UACA: variants seen among roughly 807,000 people sequenced by gnomAD.
UACA encodes nuclear membrane binding protein.
In UACA, 112 loss-of-function variants were observed where a neutral mutation model predicts 160.5. The ratio of observed to expected loss-of-function variants is 0.70; its 90% CI spans 0.60 to 0.82. The LOEUF (loss-of-function observed/expected upper bound fraction) is 0.82, where lower values mean the gene tolerates loss of function less well. UACA is among the 40% of genes least tolerant of loss of function. The pLI is 0.00. For synonymous variants in UACA, 557 were observed against 568.4 expected, an observed-to-expected ratio of 0.98 and a Z score of 0.29; for missense variants, 1,574 against 1,614.6, an observed-to-expected ratio of 0.97 and a Z score of 0.43.
intron 1 of UACA, chr15:70,754,218 C>G: frequency 2.2e-6 from 1 of 453,190 alleles, no homozygotes; most frequent in Non-Finnish European, 4.4e-6. Flanking sequence ...AGGTCCCATT[C>G]AATTACAGAC....
chr15:70,700,240 C>A (rs147704535), intron 1 of UACA, among the ~76,000 whole-genome samples: 30 of 149,156 alleles, frequency 2.0e-4, no homozygotes, highest in East Asian at 1.6e-3. Flanking sequence ...GAAACTACCC[C>A]CCCCCAACAC....
chr15:70,682,727 A>G (rs1435509918), intron 9 of UACA, 31 bp downstream of exon 9: 1 of 1,411,240 alleles, frequency 7.1e-7, no homozygotes. Context: ...TACAATACAT[A>G]TAATTATTTA....
chr15:70,702,180 C>T (rs1370084029), intron 1 of UACA: 1 of 1,211,500 alleles, frequency 8.3e-7, no homozygotes, highest in Non-Finnish European at 1.0e-6. Flanking sequence ...GTAACTCTAT[C>T]TATTTCTTAT....
chr15:70,691,266 T>A lies in UACA; in HGVS notation c.366+33A>T, dbSNP rs746410139. On this transcript the variant is annotated intron_variant, in intron 4 of 18. Transcript: ENST00000322954. ...GTACATCTATGATTTGTTGTCAAAATAATAAAGCTAAAGTATTAACCACTT... is the reference window on the plus strand; with the variant it reads ...GTACATCTATGATTTGTTGTCAAAAAAATAAAGCTAAAGTATTAACCACTT... 1.1e-5 allele frequency: 16 copies of A among 1,478,640 alleles called. No individual in the cohort carries two copies. In the South Asian group the frequency reaches 1.7e-4, roughly 15 times the overall value. The allele number at this position is 1,478,640 out of a possible 1,614,324, so 91.6% of individuals were successfully genotyped here.
At chr15:70,657,707 G>C (rs532385354) in intron 18 of UACA, among the ~76,000 whole-genome samples, 11 of 152,304 alleles carry the variant, frequency 7.2e-5, no homozygotes, top group African/African-American at 2.6e-4. Context: ...GATAGGGGCA[G>C]CATAAGTTAT....
At position 70,667,602 on chromosome 15, in the gene UACA, G is replaced by T. The variant is rs773806522; in HGVS notation, c.3082C>A (p.Gln1028Lys). The change falls in exon 16 of 19, where the codon CAA becomes AAA. Residue 1028 changes from glutamine (Q) to lysine (K), a missense_variant. Gln to Lys is a moderately conservative substitution (Grantham distance 53). Transcript: ENST00000322954. ...VSEEEVKKNK[Q>K]ENDKLKKEIF... ...TCCTTCTTTAACTTGTCATTCTCTT[G>T]CTTGTTTTTCTTGACTTCTTCTTCA... 1.2e-6 allele frequency: 2 copies of T among 1,612,866 alleles called. No individual in the cohort carries two copies. Among genetic ancestry groups the T allele is most frequent in the Non-Finnish European group, 8.5e-7 (1 of 1,179,942 alleles).
intron 1 of UACA, among the ~76,000 whole-genome samples, chr15:70,749,760 G>A (rs1361131941): frequency 1.3e-5 from 2 of 150,966 alleles, no homozygotes; most frequent in South Asian, 2.1e-4. Context: ...AAAAATCTGT[G>A]CTTATAAAGA....
At chr15:70,721,084 TG>T (rs1185192298) in intron 1 of UACA, among the ~76,000 whole-genome samples, 2 of 152,172 alleles carry the variant, frequency 1.3e-5, no homozygotes, top group Admixed American at 1.3e-4. Context: ...GCAGTGAAGT[TG>T]ATTAATACAG....
At chr15:70,751,427 G>T (rs1175252493) in intron 1 of UACA, among the ~76,000 whole-genome samples, 1 of 152,122 alleles carries the variant, frequency 6.6e-6, no homozygotes, top group Non-Finnish European at 1.5e-5. Flanking sequence ...GGACAACAAT[G>T]GCATGACCTC....
At chr15:70,774,290 T>C in the UACA span, among the ~76,000 whole-genome samples, 5 of 152,148 alleles carry the variant, frequency 3.3e-5, no homozygotes, top group African/African-American at 7.2e-5. Context: ...CTCACTCCTG[T>C]AATCCCAGCA....
Position 70,655,885 on chromosome 15 carries a change from TACTC to T in UACA, c.*1167_*1170del, listed in dbSNP as rs1286614193. ...ATCCATTTATTCAGTTATTTGTTAA[TACTC>T]AAATTAGTAATTTTCACTCTGAATG... On this transcript the variant is annotated 3_prime_UTR_variant, in exon 19 of 19. Coordinates refer to ENST00000322954, the MANE Select transcript of UACA (RefSeq NM_018003.4). The T allele has an allele frequency of 6.6e-6, 1 of 152,224 alleles. No individual in the cohort carries two copies. Among genetic ancestry groups the T allele is most frequent in the Non-Finnish European group, 1.5e-5 (1 of 68,038 alleles). 9.4% of individuals were successfully genotyped at this position (152,224 alleles called of 1,614,324 possible). A position where few individuals can be genotyped will look rare whatever the true frequency, so the allele number is the denominator to read the frequency against.
At chr15:70,680,865 C>T (rs934946634) in intron 9 of UACA, among the ~76,000 whole-genome samples, 8 of 152,198 alleles carry the variant, frequency 5.3e-5, no homozygotes, top group African/African-American at 1.7e-4. Context: ...TCCTGCCTTC[C>T]GCCATCTGGT....
At position 70,702,344 on chromosome 15, in the gene UACA, G is replaced by A. The variant is rs968589783; in HGVS notation, c.79-2684C>T. ...ACATCCGAATTGTCCGGTAAACAGC[G>A]TGGAGCCTGTCTCCCATTGGTTGAG... On this transcript the variant is annotated intron_variant, in intron 1 of 18. Transcript: ENST00000322954. The A allele has an allele frequency of 1.6e-5, 16 of 986,470 alleles. No individual in the cohort carries two copies. In the African/African-American group the frequency reaches 1.9e-4, roughly 12 times the overall value. The allele number at this position is 986,470 out of a possible 1,614,324, so 61.1% of individuals were successfully genotyped here. A position where few individuals can be genotyped will look rare whatever the true frequency, so the allele number is the denominator to read the frequency against.
intron 2 of UACA, among the ~76,000 whole-genome samples, chr15:70,698,688 T>A (rs577812313): frequency 6.6e-6 from 1 of 152,200 alleles, no homozygotes; most frequent in Non-Finnish European, 1.5e-5. Flanking sequence ...CCAGTTATAA[T>A]ATTCTGAATA....
chr15:70,695,529 C>T (rs984187262), intron 2 of UACA, among the ~76,000 whole-genome samples: 5 of 152,232 alleles, frequency 3.3e-5, no homozygotes, highest in Middle Eastern at 3.4e-3. Context: ...AAGACAGATC[C>T]AAACACTTAC....
At chr15:70,742,072 T>A (rs1396926839) in intron 1 of UACA, among the ~76,000 whole-genome samples, 1 of 152,206 alleles carries the variant, frequency 6.6e-6, no homozygotes, top group East Asian at 1.9e-4. Context: ...TATGAGCAAT[T>A]AGAAAACTTG....
chr15:70,738,307 C>A (rs1355447424), intron 1 of UACA, among the ~76,000 whole-genome samples: 1 of 151,712 alleles, frequency 6.6e-6, no homozygotes, highest in Non-Finnish European at 1.5e-5. Context: ...AGTTTATTCT[C>A]CACACAGTTG....
At chr15:70,767,251 A>C (rs928311631), upstream of UACA, among the ~76,000 whole-genome samples, 15 of 143,588 alleles carry the variant, frequency 1.0e-4, no homozygotes, top group East Asian at 2.0e-4. Context: ...AAAAAAAAAA[A>C]AAAAACAAAA....
chr15:70,701,499 G>GA (rs537280966), intron 1 of UACA, among the ~76,000 whole-genome samples: 1 of 151,956 alleles, frequency 6.6e-6, no homozygotes, highest in African/African-American at 2.4e-5. Flanking sequence ...CTTGCTGGTG[G>GA]AAAAAAGAGC....
Sources: allele counts gnomAD v4.1 joint callset (sites outside exome capture counted in the v4.1 genomes callset), GRCh38; gene constraint gnomAD v4.1.1; transcripts MANE v1.5; gene names NCBI Gene and HGNC (gene_info 2026-07-23, HGNC 2026-07-21).